The following PRR16 variants were observed in gnomAD, a reference collection of about 807,000 sequenced individuals.
The protein encoded by PRR16 is protein Largen.
PRR16 carries 6 observed loss-of-function variants against 18.2 expected under a neutral mutation model. That is an observed-to-expected ratio of 0.33 (90% CI 0.18 to 0.65). The LOEUF (loss-of-function observed/expected upper bound fraction) is 0.65. Among genes scored for constraint, PRR16 ranks in the 30% least tolerant of loss-of-function variants. The probability of loss-of-function intolerance (pLI) is 0.74; values close to 1 mark genes in which losing one functional copy is unlikely to be tolerated. For synonymous variants in PRR16, 151 were observed against 147.8 expected (o/e 1.02, Z -0.16); for missense variants, 412 against 376.6 (o/e 1.09, Z -0.78).
At chr5:120,570,313 G>A (rs1752866361) in intron 1 of PRR16, among the ~76,000 whole-genome samples, 2 of 152,030 alleles carry the variant, frequency 1.3e-5, no homozygotes, top group African/African-American at 4.8e-5. Context: ...ATCCTAAATG[G>A]CTGAAAATGA....
chr5:120,654,560 C>A (rs905621966), intron 1 of PRR16, among the ~76,000 whole-genome samples: 12 of 151,624 alleles, frequency 7.9e-5, no homozygotes, highest in Non-Finnish European at 1.3e-4. Context: ...TAAAAAAAAT[C>A]TCAAATTATC....
At chr5:120,737,428 T>C in the PRR16 span, among the ~76,000 whole-genome samples, 2 of 151,078 alleles carry the variant, frequency 1.3e-5, no homozygotes, top group Non-Finnish European at 3.0e-5. Flanking sequence ...ATGTGGTGCG[T>C]TACCTTGATT....
chr5:120,489,751 T>C (rs1339111857), intron 1 of PRR16, among the ~76,000 whole-genome samples: 1 of 152,194 alleles, frequency 6.6e-6, no homozygotes, highest in Non-Finnish European at 1.5e-5. Context: ...CTAGCCTCGA[T>C]GGTCTTTACA....
At chr5:120,715,732 T>C in the PRR16 span, among the ~76,000 whole-genome samples, 1 of 152,224 alleles carries the variant, frequency 6.6e-6, no homozygotes, top group Non-Finnish European at 1.5e-5. Flanking sequence ...TTGTTATTTT[T>C]TATGTTTGAA....
At position 120,686,956 on chromosome 5, in the gene PRR16, T is replaced by C. The variant is rs1042516911; in HGVS notation, c.*247T>C. 3 of 311,166 alleles carry C rather than the reference T, an allele frequency of 9.6e-6. No individual in the cohort carries two copies. Among genetic ancestry groups the C allele is most frequent in the African/African-American group, 6.4e-5 (3 of 46,584 alleles). 19.3% of individuals were successfully genotyped at this position (311,166 alleles called of 1,614,324 possible). ...TATGAATGATGCATTGTTTTTGCAA[T>C]TGACCTATGACAAACTGTGAACCTG... On this transcript the variant is annotated 3_prime_UTR_variant, in exon 2 of 2. Coordinates refer to ENST00000407149, the MANE Select transcript of PRR16 (RefSeq NM_001300783.2).
Position 120,686,517 on chromosome 5 carries a change from G to A in PRR16, c.723G>A (p.Pro241=), listed in dbSNP as rs368807743. 5.8e-5 allele frequency: 94 copies of A among 1,613,548 alleles called. No individual in the cohort carries two copies. In the East Asian group the frequency reaches 1.5e-3, roughly 26 times the overall value. ...VHLHSEPVHP[P]GKIPHQGPPL... Reference sequence around the variant, plus strand: ...TACACAGTGAACCTGTCCACCCACCGGGAAAGATTCCTCACCAAGGCCCTC... The same window carrying A: ...TACACAGTGAACCTGTCCACCCACCAGGAAAGATTCCTCACCAAGGCCCTC... Residue 241 remains proline (P), a synonymous_variant, in exon 2 of 2, where the codon CCG becomes CCA. Coordinates refer to ENST00000407149, the MANE Select transcript of PRR16 (RefSeq NM_001300783.2).
the PRR16 span, among the ~76,000 whole-genome samples, chr5:120,722,732 C>T: frequency 3.2e-4 from 48 of 152,060 alleles, no homozygotes; most frequent in Admixed American, 3.2e-3. Flanking sequence ...GTTTCATTAC[C>T]ATAGTTGTCT....
At chr5:120,781,990 T>C in the PRR16 span, among the ~76,000 whole-genome samples, 2 of 118,868 alleles carry the variant, frequency 1.7e-5, no homozygotes, top group African/African-American at 3.7e-5. Flanking sequence ...AATTTACTAA[T>C]AAAAACAGTG....
chr5:120,570,396 A>G (rs1016568913), intron 1 of PRR16, among the ~76,000 whole-genome samples: 15 of 152,184 alleles, frequency 9.9e-5, no homozygotes, highest in Non-Finnish European at 2.1e-4. Flanking sequence ...TGGTGAAAAG[A>G]CAACCGCCAA....
At chr5:120,624,861 C>T (rs151185483) in intron 1 of PRR16, among the ~76,000 whole-genome samples, 1 of 152,116 alleles carries the variant, frequency 6.6e-6, no homozygotes, top group African/African-American at 2.4e-5. Flanking sequence ...GTGGATCTTT[C>T]CTTCACTGTT....
chr5:120,633,610 A>C (rs187358155), intron 1 of PRR16, among the ~76,000 whole-genome samples: 34 of 152,232 alleles, frequency 2.2e-4, no homozygotes, highest in African/African-American at 7.5e-4. Flanking sequence ...AAGTAACAGA[A>C]GTTAGATAAG....
chr5:120,618,373 A>AT (rs1754581069), intron 1 of PRR16: 2 of 721,908 alleles, frequency 2.8e-6, no homozygotes, highest in South Asian at 1.3e-4. Context: ...GCATATAGTG[A>AT]TTTTAAGAAT....
chr5:120,788,176 G>A, the PRR16 span, among the ~76,000 whole-genome samples: 1 of 151,842 alleles, frequency 6.6e-6, no homozygotes, highest in Admixed American at 6.6e-5. Context: ...TACTATGAAT[G>A]TTTGCTTTTT....
At chr5:120,752,492 A>G in the PRR16 span, among the ~76,000 whole-genome samples, 4 of 152,002 alleles carry the variant, frequency 2.6e-5, no homozygotes, top group Admixed American at 6.6e-5. Context: ...CTGTTTATCT[A>G]TGCACTGATT....
At chr5:120,525,545 T>G (rs147846050) in intron 1 of PRR16, among the ~76,000 whole-genome samples, 1 of 151,742 alleles carries the variant, frequency 6.6e-6, no homozygotes, top group African/African-American at 2.4e-5. Flanking sequence ...CAGACTACTA[T>G]GAATATACAA....
chr5:120,792,105 T>C, the PRR16 span, among the ~76,000 whole-genome samples: 6 of 152,090 alleles, frequency 3.9e-5, no homozygotes, highest in African/African-American at 1.4e-4. Context: ...AAGCCAACTT[T>C]CCCAAAAATA....
chr5:120,477,869 G>A (rs1435480657), intron 1 of PRR16, among the ~76,000 whole-genome samples: 1 of 152,148 alleles, frequency 6.6e-6, no homozygotes, highest in Admixed American at 6.5e-5. Flanking sequence ...CCCCACCTGA[G>A]CAAACGCTTA....
At chr5:120,756,631 TA>T in the PRR16 span, among the ~76,000 whole-genome samples, 1 of 152,140 alleles carries the variant, frequency 6.6e-6, no homozygotes, top group East Asian at 1.9e-4. Context: ...CCCATTTTTT[TA>T]AATGGGATTG....
chr5:120,675,255 G>A (rs1295697369), intron 1 of PRR16, among the ~76,000 whole-genome samples: 3 of 152,098 alleles, frequency 2.0e-5, no homozygotes, highest in African/African-American at 7.2e-5. Flanking sequence ...AGCTTTATTC[G>A]GAGCTGCTGT....
Sources: gnomAD v4.1 joint callset for allele counts (sites outside exome capture counted in the v4.1 genomes callset) on GRCh38, gnomAD v4.1.1 for gene constraint, MANE v1.5 for transcripts, NCBI Gene and HGNC (gene_info 2026-07-23, HGNC 2026-07-21) for gene names.